The following TUSC3 variants were observed in gnomAD, a reference collection of about 807,000 sequenced individuals.
The protein encoded by TUSC3 is dolichyl-diphosphooligosaccharide--protein glycosyltransferase subunit TUSC3.
In TUSC3, 45 loss-of-function variants were observed where a neutral mutation model predicts 44.8. That is an observed-to-expected ratio of 1.00 (90% CI 0.79 to 1.29). TUSC3 has a LOEUF of 1.29. Ranked by LOEUF, TUSC3 falls within the 50% of genes most tolerant of loss-of-function variation. TUSC3 has a pLI of 0.00. For synonymous variants in TUSC3, 212 were observed against 152.9 expected (o/e 1.39, Z -2.85); for missense variants, 519 against 437.9 (o/e 1.19, Z -1.65).
Position 15,559,636 on chromosome 8 carries a change from C to T in TUSC3, c.138+19068C>T, listed in dbSNP as rs571050973. On this transcript the variant is annotated intron_variant, in intron 1 of 10. Transcript: ENST00000503731. ...TCTCCCATTATTAATGTGTGGGAGT[C>T]TAATTCTCTTTGTAGGTCACTCAGG... Among the ~76,000 whole-genome samples the T allele has an allele frequency of 6.3e-4, 87 of 138,750 alleles. 19 individuals are homozygous for T. The highest frequency in any genetic ancestry group is 1.3e-3 in the Non-Finnish European group (80 of 63,126). 91.0% of individuals were successfully genotyped at this position (138,750 alleles called of 152,430 possible). A position where few individuals can be genotyped will look rare whatever the true frequency, so the allele number is the denominator to read the frequency against.
chr8:15,814,747 C>G, the TUSC3 span, among the ~76,000 whole-genome samples: 2 of 152,072 alleles, frequency 1.3e-5, no homozygotes, highest in Admixed American at 1.3e-4. Context: ...AGAGATTTAC[C>G]AATATTAAAT....
At chr8:15,789,495 A>G in the TUSC3 span, among the ~76,000 whole-genome samples, 4 of 152,342 alleles carry the variant, frequency 2.6e-5, no homozygotes, top group Non-Finnish European at 5.9e-5. Context: ...TGTCATACAG[A>G]TGCCTAATTA....
chr8:15,458,847 G>A (rs1435457626), intron 1 of TUSC3, among the ~76,000 whole-genome samples: 1 of 152,144 alleles, frequency 6.6e-6, no homozygotes, highest in African/African-American at 2.4e-5. Context: ...TGAAAAAGCT[G>A]TCTTGGATTT....
intron 6 of TUSC3, among the ~76,000 whole-genome samples, chr8:15,712,179 A>G (rs943514823): frequency 1.3e-5 from 2 of 152,008 alleles, no homozygotes; most frequent in Admixed American, 6.6e-5. Context: ...GAAAAATAAG[A>G]TTAGAGGCTC....
At chr8:15,582,384 A>G (rs998098536) in intron 1 of TUSC3, among the ~76,000 whole-genome samples, 3 of 152,164 alleles carry the variant, frequency 2.0e-5, no homozygotes, top group Admixed American at 6.5e-5. Flanking sequence ...ACTTAAACCA[A>G]TCTTTTATGA....
At chr8:15,563,922 AT>A (rs1802573358) in intron 1 of TUSC3, among the ~76,000 whole-genome samples, 1 of 152,084 alleles carries the variant, frequency 6.6e-6, no homozygotes, top group African/African-American at 2.4e-5. Context: ...TTTCCTTTTC[AT>A]GAGGATATGA....
chr8:15,450,231 TTTTTC>T (rs1182609359), intron 1 of TUSC3, among the ~76,000 whole-genome samples: 1 of 151,942 alleles, frequency 6.6e-6, no homozygotes, highest in Non-Finnish European at 1.5e-5. Context: ...TTTCTTTTCT[TTTTTC>T]TTTTAGAAGA....
At chr8:15,572,920 C>T (rs4556089) in intron 1 of TUSC3, among the ~76,000 whole-genome samples, 83,801 of 151,510 alleles carry the variant, frequency 0.55, 23,538 homozygotes, top group African/African-American at 0.62. Context: ...GATCACTGGT[C>T]ACAGATTTCC....
intron 2 of TUSC3, among the ~76,000 whole-genome samples, chr8:15,520,473 T>A (rs1475438708): frequency 2.0e-5 from 3 of 152,232 alleles, no homozygotes; most frequent in Non-Finnish European, 4.4e-5. Context: ...TTGTTGGTCA[T>A]GGTTAGCTTC....
chr8:15,704,823 A>G (rs1482788905), intron 6 of TUSC3, among the ~76,000 whole-genome samples: 1 of 151,924 alleles, frequency 6.6e-6, no homozygotes, highest in Non-Finnish European at 1.5e-5. Context: ...GTTACTTCTT[A>G]CGTTTGATTT....
At position 15,765,329 on chromosome 8, in the gene TUSC3, G is replaced by C. The variant is rs113354695; in HGVS notation, c.*1173G>C. The C allele has an allele frequency of 2.4e-3, 366 of 152,118 alleles. 2 individuals are homozygous for C. The highest frequency in any genetic ancestry group is 8.5e-3 in the African/African-American group (351 of 41,532). The allele number at this position is 152,118 out of a possible 1,614,324, so 9.4% of individuals were successfully genotyped here. On this transcript the variant is annotated 3_prime_UTR_variant, in exon 11 of 11. Coordinates refer to ENST00000503731, the MANE Select transcript of TUSC3 (RefSeq NM_006765.4). Reference sequence around the variant, plus strand: ...AAATTAATTAGGGTTTAGGAAAGCAGTTCTTCTTGAGTCAGTTCAATAAGT... The same window carrying C: ...AAATTAATTAGGGTTTAGGAAAGCACTTCTTCTTGAGTCAGTTCAATAAGT...
At position 15,757,920 on chromosome 8, in the gene TUSC3, T is replaced by C. The variant is rs569985389; in HGVS notation, c.*46+65T>C. ...TTTTTCAAATATAGAGAGTATAACA[T>C]TTATCTCATAAGACAAGTTGTAGTA... On this transcript the variant is annotated intron_variant, in intron 10 of 10. Coordinates refer to ENST00000503731, the MANE Select transcript of TUSC3 (RefSeq NM_006765.4). 11 of 1,478,076 alleles carry C rather than the reference T, an allele frequency of 7.4e-6. No individual in the cohort carries two copies. The East Asian group carries it at 2.3e-4, about 31-fold the overall frequency. 91.6% of individuals were successfully genotyped at this position (1,478,076 alleles called of 1,614,324 possible).
chr8:15,771,710 C>G, the TUSC3 span, among the ~76,000 whole-genome samples: 1 of 151,894 alleles, frequency 6.6e-6, no homozygotes, highest in African/African-American at 2.4e-5. Context: ...CAAATGAAAA[C>G]AAAAATTCTA....
At chr8:15,504,580 T>G (rs868823017) in intron 2 of TUSC3, among the ~76,000 whole-genome samples, 375 of 19,236 alleles carry the variant, frequency 0.019, 8 homozygotes, top group African/African-American at 0.045. Context: ...ACTTTCAGGA[T>G]ATATATATAT....
intron 3 of TUSC3, among the ~76,000 whole-genome samples, chr8:15,651,952 C>G (rs1294325253): frequency 6.6e-6 from 1 of 152,110 alleles, no homozygotes; most frequent in African/African-American, 2.4e-5. Flanking sequence ...AATGTTGTTA[C>G]TGGCTCCATT....
intron 5 of TUSC3, among the ~76,000 whole-genome samples, chr8:15,666,287 T>G (rs577872287): frequency 1.3e-5 from 2 of 151,470 alleles, no homozygotes; most frequent in African/African-American, 4.8e-5. Context: ...CTTAAAAGCA[T>G]GAAAGATAAA....
rs150215322 is a variant in TUSC3, at chr8:15,686,611, A to G, written c.798+12775A>G. Among the ~76,000 whole-genome samples the G allele has an allele frequency of 8.9e-3, 1,357 of 152,138 alleles. 20 individuals carry two copies. The highest frequency in any genetic ancestry group is 0.03 in the African/African-American group (1,254 of 41,490). On this transcript the variant is annotated intron_variant, in intron 6 of 10. Transcript: ENST00000503731. The stretch of plus-strand genomic sequence containing the variant: ...TTTGAGAGTCATTAAGGATGCTATC[A>G]TCCCATTTTTTAAAAAACTTAAAAA...
the TUSC3 span, among the ~76,000 whole-genome samples, chr8:15,810,855 C>G: frequency 2.0e-5 from 3 of 152,068 alleles, no homozygotes; most frequent in Non-Finnish European, 2.9e-5. Flanking sequence ...ACGTAAAGAT[C>G]CGCAACATTT....
chr8:15,656,549 A>C (rs1177564743), intron 3 of TUSC3, among the ~76,000 whole-genome samples: 1 of 152,180 alleles, frequency 6.6e-6, no homozygotes, highest in Admixed American at 6.5e-5. Context: ...TCATCTGGGC[A>C]CACTGGGGCA....
Sources: allele counts gnomAD v4.1 joint callset (sites outside exome capture counted in the v4.1 genomes callset), GRCh38; gene constraint gnomAD v4.1.1; transcripts MANE v1.5; gene names NCBI Gene and HGNC (gene_info 2026-07-23, HGNC 2026-07-21).